Variants in SLC25A12 observed in about 807,000 individuals in gnomAD.
SLC25A12 encodes the protein solute carrier family 25 member 12, also known as electrogenic aspartate/glutamate antiporter SLC25A12, mitochondrial.
A neutral mutation model predicts 83.3 loss-of-function variants in SLC25A12; 32 were observed. The ratio of observed to expected loss-of-function variants is 0.38; its 90% CI spans 0.29 to 0.52. The LOEUF (loss-of-function observed/expected upper bound fraction) is 0.52. Among genes scored for constraint, SLC25A12 ranks in the 20% least tolerant of loss-of-function variants. The probability of loss-of-function intolerance (pLI) is 0.84; values close to 1 mark genes in which losing one functional copy is unlikely to be tolerated. For missense variants in SLC25A12, 611 were observed against 835.6 expected, an observed-to-expected ratio of 0.73 and a Z score of 3.31; for synonymous variants, 267 against 291.1, an observed-to-expected ratio of 0.92 and a Z score of 0.84.
rs1402371727 is a variant in SLC25A12, at chr2:171,784,959, G to A, written c.*315C>T. 4 of 332,084 alleles carry A rather than the reference G, an allele frequency of 1.2e-5. No homozygotes were observed. The highest frequency in any genetic ancestry group is 2.3e-5 in the Non-Finnish European group (4 of 171,152). The allele number at this position is 332,084 out of a possible 1,614,324, so 20.6% of individuals were successfully genotyped here. A position where few individuals can be genotyped will look rare whatever the true frequency, so the allele number is the denominator to read the frequency against. Reference sequence around the variant, plus strand: ...ATTTGTTGGGATGAGGTGCCAAGATGTCTCTGTACAAAGATGTACAATATG... The same window carrying A: ...ATTTGTTGGGATGAGGTGCCAAGATATCTCTGTACAAAGATGTACAATATG... On this transcript the variant is annotated 3_prime_UTR_variant, in exon 18 of 18. Transcript: ENST00000422440.
At chr2:171,798,345 G>C (rs1056293456) in intron 13 of SLC25A12, among the ~76,000 whole-genome samples, 4 of 152,106 alleles carry the variant, frequency 2.6e-5, no homozygotes, top group Non-Finnish European at 4.4e-5. Flanking sequence ...CCTACCCCTG[G>C]GGCAAGGTTC....
chr2:171,843,169 A>AT (rs1196045944), intron 5 of SLC25A12, among the ~76,000 whole-genome samples: 1 of 152,094 alleles, frequency 6.6e-6, no homozygotes, highest in African/African-American at 2.4e-5. Context: ...TTTACCTCAA[A>AT]TTTTTTTAAA....
At chr2:171,866,565 C>T (rs1375161947) in intron 3 of SLC25A12, among the ~76,000 whole-genome samples, 1 of 59,684 alleles carries the variant, frequency 1.7e-5, no homozygotes, top group African/African-American at 6.6e-5. Context: ...CCTCCCGAAC[C>T]GGGCGGCTGG....
chr2:171,804,283 A>AGT (rs972938063), intron 13 of SLC25A12, among the ~76,000 whole-genome samples: 1 of 152,026 alleles, frequency 6.6e-6, no homozygotes, highest in African/African-American at 2.4e-5. Context: ...TTTGAGACAG[A>AGT]GTCTCTCTCT....
Position 171,893,228 on chromosome 2 carries a change from CAT to C in SLC25A12, c.41_42del (p.His14ArgfsTer13). ...ACCTGTAGAAATATGTTTCTTAACT[CAT>C]GAGGATCCCCTCGCTTAGTTGTCTG... ...KVQTTKRGDP[H>X]ELRNIFLQYA... On this transcript the variant is annotated frameshift_variant, in exon 2 of 18. Coordinates refer to ENST00000422440, the MANE Select transcript of SLC25A12 (RefSeq NM_003705.5). LOFTEE classifies it high-confidence loss of function. 6.2e-7 allele frequency: 1 copy of C among 1,614,100 alleles called. No homozygotes were observed. The highest frequency in any genetic ancestry group is 2.2e-5 in the East Asian group (1 of 44,866).
At position 171,884,185 on chromosome 2, in the gene SLC25A12, G is replaced by A. The variant is rs1007048680; in HGVS notation, c.66+9020C>T. Among the ~76,000 whole-genome samples the A allele has an allele frequency of 2.7e-5, 4 of 146,922 alleles. 1 individual carries two copies. The East Asian group carries it at 8.0e-4, about 29-fold the overall frequency. ...ATGAGCCAGTGTGCCCAGCCAATCT[G>A]TGGGCTTTTTTTTTTTTCCCCCCGA... On this transcript the variant is annotated intron_variant, in intron 2 of 17. Transcript: ENST00000422440.
chr2:171,862,529 G>T (rs1473294844), intron 3 of SLC25A12, among the ~76,000 whole-genome samples: 12 of 152,128 alleles, frequency 7.9e-5, no homozygotes, highest in Non-Finnish European at 1.0e-4. Flanking sequence ...ACTATCTACT[G>T]GGGGAAAGGA....
rs530037282 is a variant in SLC25A12 at position 171,845,193 on chromosome 2, C to T, written c.326-685G>A. Among the ~76,000 whole-genome samples, 16 of 152,188 alleles carry T rather than the reference C, an allele frequency of 1.1e-4. No homozygotes were observed. The South Asian group carries it at 2.9e-3, about 28-fold the overall frequency. On this transcript the variant is annotated intron_variant, in intron 4 of 17. Transcript: ENST00000422440. ...TTTAAATAAAGAGCTAAATACAGTA[C>T]ACTAATTTTTAGATAGGAACTAGTC...
intron 5 of SLC25A12, among the ~76,000 whole-genome samples, chr2:171,841,353 T>TACAGGC (rs929767462): frequency 9.9e-5 from 15 of 152,034 alleles, no homozygotes; most frequent in African/African-American, 3.4e-4. Flanking sequence ...GTGCTGGGAT[T>TACAGGC]ACAGGCGTGA....
chr2:171,840,437 A>C (rs979353167), intron 5 of SLC25A12, among the ~76,000 whole-genome samples: 4 of 151,950 alleles, frequency 2.6e-5, no homozygotes, highest in African/African-American at 7.2e-5. Flanking sequence ...AGTAAAAATA[A>C]ATAAATAAAT....
intron 4 of SLC25A12, among the ~76,000 whole-genome samples, chr2:171,852,909 G>A (rs112838172): frequency 3.0e-3 from 459 of 152,270 alleles, no homozygotes; most frequent in Non-Finnish European, 5.4e-3. Context: ...AAACTAGGAA[G>A]GCAGGGACAG....
At chr2:171,823,593 A>G (rs1338865540) in intron 9 of SLC25A12, among the ~76,000 whole-genome samples, 1 of 152,196 alleles carries the variant, frequency 6.6e-6, no homozygotes, top group African/African-American at 2.4e-5. Flanking sequence ...TATACACTTA[A>G]GACCTTAATT....
intron 2 of SLC25A12, among the ~76,000 whole-genome samples, chr2:171,869,310 C>G (rs911857290): frequency 2.0e-5 from 3 of 152,030 alleles, no homozygotes; most frequent in Non-Finnish European, 4.4e-5. Context: ...GAATTGTATA[C>G]GTTAAAATGG....
chr2:171,792,028 G>C (rs1439562053), intron 14 of SLC25A12, among the ~76,000 whole-genome samples: 1 of 152,146 alleles, frequency 6.6e-6, no homozygotes, highest in South Asian at 2.1e-4. Context: ...TGAAGGAAAA[G>C]TAACTACTCT....
intron 15 of SLC25A12, among the ~76,000 whole-genome samples, chr2:171,790,108 C>A (rs930553572): frequency 1.3e-5 from 2 of 152,194 alleles, no homozygotes; most frequent in African/African-American, 4.8e-5. Context: ...CCTGTCTTCA[C>A]GAGCAAGAAC....
In SLC25A12 at chr2:171,815,138, A is replaced by C. The variant is rs200754828; in HGVS notation, c.995T>G (p.Leu332Arg). The part of the protein sequence containing the change: ...QIAESAYRFT[L>R]GSVAGAVGAT... ...TCACTCACCTCCAGCAACTGAGCCC[A>C]GAGTGAATCTGTAAGCAGACTCGGC... Residue 332 changes from leucine to arginine, a missense_variant, in exon 10 of 18, where the codon CTG (leucine) becomes CGG (arginine). Physicochemically the swap from Leu to Arg is moderately radical, Grantham distance 102. Transcript: ENST00000422440. 7.2e-5 allele frequency: 116 copies of C among 1,613,652 alleles called. 1 individual carries two copies. Among genetic ancestry groups the C allele is most frequent in the South Asian group, 5.1e-4 (46 of 91,074 alleles).
rs1349587649 is a variant in SLC25A12 at position 171,814,891 on chromosome 2, CT to C, written c.1012+229del. ...GGTGAGTGCAGCACTGCATCCCAGA[CT>C]TTCACATCATTACAGAGGTTCTGTC... On this transcript the variant is annotated intron_variant, in intron 10 of 17. Transcript: ENST00000422440. 3.8e-4 allele frequency among the ~76,000 whole-genome samples: 58 copies of C among 152,216 alleles called. 2 individuals are homozygous for C. The highest frequency in any genetic ancestry group is 4.4e-5 in the Non-Finnish European group (3 of 68,046).
intron 4 of SLC25A12, 44 bp from the exon 5 acceptor site, chr2:171,844,552 G>A: frequency 7.2e-7 from 1 of 1,381,302 alleles, no homozygotes; most frequent in African/African-American, 1.4e-5. Context: ...TCTGGAATAA[G>A]TAGTTTAAAC....
Position 171,791,554 on chromosome 2 carries a change from G to A in SLC25A12, c.1482C>T (p.Phe494=), listed in dbSNP as rs1427414586. The A allele has an allele frequency of 4.3e-6, 7 of 1,613,752 alleles. No homozygotes were observed. Among genetic ancestry groups the A allele is most frequent in the South Asian group, 1.1e-5 (1 of 91,066 alleles). The change falls in exon 15 of 18, where the codon TTC becomes TTT. Residue 494 remains phenylalanine (F), a synonymous_variant. Transcript: ENST00000422440. ...AKACFLRDIP[F]SAIYFPVYAH... ...CATAAACAGGAAAATAGATTGCAGA[G>A]AAGGGAATGTCTCGGAGGAAACACG... is the stretch of plus-strand genomic sequence containing the variant.
Sources: gnomAD v4.1 joint callset for allele counts (sites outside exome capture counted in the v4.1 genomes callset) on GRCh38, gnomAD v4.1.1 for gene constraint, MANE v1.5 for transcripts, NCBI Gene and HGNC (gene_info 2026-07-23, HGNC 2026-07-21) for gene names.